SH3RF3: variants seen among roughly 807,000 people sequenced by gnomAD.
SH3RF3 encodes SH3 domain containing ring finger 3.
A neutral mutation model predicts 66.3 loss-of-function variants in SH3RF3; 29 were observed. The ratio of observed to expected loss-of-function variants is 0.44; its 90% CI spans 0.33 to 0.60. SH3RF3 has a LOEUF of 0.60. SH3RF3 is among the 20% of genes least tolerant of loss of function. The pLI, the probability that SH3RF3 is intolerant of heterozygous loss-of-function variation, is 0.04. For missense variants in SH3RF3, 1,194 were observed against 1,190.9 expected (o/e 1.00, Z -0.04); for synonymous variants, 583 against 532.0 (o/e 1.10, Z -1.32).
chr2:109,246,323 A>C (rs1679914246), intron 1 of SH3RF3, among the ~76,000 whole-genome samples: 2 of 152,210 alleles, frequency 1.3e-5, no homozygotes, highest in South Asian at 4.1e-4. Context: ...CCAGGTTCAC[A>C]GACGGTGCCT....
chr2:109,395,762 G>C (rs764283382), intron 3 of SH3RF3, among the ~76,000 whole-genome samples: 7 of 152,230 alleles, frequency 4.6e-5, no homozygotes, highest in Non-Finnish European at 5.9e-5. Flanking sequence ...CTGTGCTTCT[G>C]GCTGCTGTGT....
chr2:109,392,854 C>CTGGCTT (rs1179304023), intron 3 of SH3RF3, among the ~76,000 whole-genome samples: 1 of 152,196 alleles, frequency 6.6e-6, no homozygotes, highest in Non-Finnish European at 1.5e-5. Context: ...CAAAGAGTCC[C>CTGGCTT]TGGCTTTGGA....
Position 109,457,489 on chromosome 2 carries a change from C to A in SH3RF3, c.2148+8000C>A, listed in dbSNP as rs1256876763. Among the ~76,000 whole-genome samples, 6 of 152,246 alleles carry A rather than the reference C, an allele frequency of 3.9e-5. No individual in the cohort carries two copies. In the East Asian group the frequency reaches 1.2e-3, roughly 29 times the overall value. On this transcript the variant is annotated intron_variant, in intron 8 of 9. Coordinates refer to ENST00000309415, the MANE Select transcript of SH3RF3 (RefSeq NM_001099289.3). Reference sequence around the variant, plus strand: ...ATAGTTGTGAGGGTTCTGCCACCCTCCCCAAAGGGCACTGACTAATAACGA... The same window carrying A: ...ATAGTTGTGAGGGTTCTGCCACCCTACCCAAAGGGCACTGACTAATAACGA...
At chr2:109,231,049 G>C (rs767469313) in intron 1 of SH3RF3, among the ~76,000 whole-genome samples, 2 of 152,266 alleles carry the variant, frequency 1.3e-5, no homozygotes, top group African/African-American at 4.8e-5. Context: ...CACGGACAGA[G>C]CAGCAGAGTT....
At chr2:109,313,811 G>A (rs1681796647) in intron 1 of SH3RF3, among the ~76,000 whole-genome samples, 1 of 152,240 alleles carries the variant, frequency 6.6e-6, no homozygotes, top group Non-Finnish European at 1.5e-5. Flanking sequence ...TGAAACAGAG[G>A]GGCTTATTCC....
At chr2:109,426,097 C>G (rs1361033193) in intron 5 of SH3RF3, among the ~76,000 whole-genome samples, 1 of 152,106 alleles carries the variant, frequency 6.6e-6, no homozygotes, top group Non-Finnish European at 1.5e-5. Context: ...TTAGTAGAGA[C>G]AGGTTTTCGC....
intron 1 of SH3RF3, among the ~76,000 whole-genome samples, chr2:109,211,657 T>C (rs1384576749): frequency 6.6e-6 from 1 of 151,610 alleles, no homozygotes. Flanking sequence ...TCTTTTTTTT[T>C]TTTTTGAGAT....
intron 4 of SH3RF3, among the ~76,000 whole-genome samples, chr2:109,418,890 G>C (rs1676796264): frequency 6.6e-6 from 1 of 152,146 alleles, no homozygotes; most frequent in Non-Finnish European, 1.5e-5. Flanking sequence ...CTCTATGTAG[G>C]AATTCCCTTG....
At chr2:109,288,629 C>T (rs1358471689) in intron 1 of SH3RF3, among the ~76,000 whole-genome samples, 1 of 152,190 alleles carries the variant, frequency 6.6e-6, no homozygotes, top group Non-Finnish European at 1.5e-5. Context: ...CAAGGCAAGT[C>T]ATTGTCACCC....
chr2:109,163,826 A>C (rs72944093), intron 1 of SH3RF3, among the ~76,000 whole-genome samples: 1 of 152,128 alleles, frequency 6.6e-6, no homozygotes, highest in African/African-American at 2.4e-5. Flanking sequence ...CCCTCCAAAC[A>C]ATGTGTTTTC....
chr2:109,452,336 T>A (rs1559091065), intron 8 of SH3RF3, among the ~76,000 whole-genome samples: 1 of 152,172 alleles, frequency 6.6e-6, no homozygotes, highest in Non-Finnish European at 1.5e-5. Context: ...GGCAACTTGA[T>A]CATAGATGTA....
intron 1 of SH3RF3, among the ~76,000 whole-genome samples, chr2:109,224,183 A>G (rs1268959774): frequency 1.3e-5 from 2 of 151,994 alleles, no homozygotes; most frequent in African/African-American, 4.8e-5. Context: ...TGCATGTGCA[A>G]ATGGAGGGGG....
At chr2:109,196,066 C>T (rs1445888021) in intron 1 of SH3RF3, among the ~76,000 whole-genome samples, 2 of 152,208 alleles carry the variant, frequency 1.3e-5, no homozygotes, top group African/African-American at 4.8e-5. Flanking sequence ...CGAAGGGCTC[C>T]AGAGGGAACG....
chr2:109,437,082 A>G lies in SH3RF3; in HGVS notation c.1764A>G (p.Thr588=). The G allele has an allele frequency of 6.2e-7, 1 of 1,613,630 alleles. No homozygotes were observed. ...AGCACCCCACAGCCTCGCCCCCAACAGGCAGCTGTCTACGGCACTCAGCCC... is the reference window on the plus strand; with the variant it reads ...AGCACCCCACAGCCTCGCCCCCAACGGGCAGCTGTCTACGGCACTCAGCCC... ...HAQHPTASPP[T]GSCLRHSAQP... Residue 588 remains threonine (T), a synonymous_variant, in exon 7 of 10, where the codon ACA becomes ACG. Transcript: ENST00000309415.
intron 1 of SH3RF3, among the ~76,000 whole-genome samples, chr2:109,262,789 C>T (rs977020128): frequency 2.1e-4 from 32 of 152,000 alleles, no homozygotes; most frequent in African/African-American, 7.7e-4. Context: ...TGTAATGGGC[C>T]CAATGATAAA....
intron 1 of SH3RF3, among the ~76,000 whole-genome samples, chr2:109,339,699 C>A (rs948637554): frequency 6.6e-6 from 1 of 152,206 alleles, no homozygotes; most frequent in Non-Finnish European, 1.5e-5. Context: ...AAGTACTCCT[C>A]TAAGTACCCA....
chr2:109,419,830 A>C (rs1676825173), intron 5 of SH3RF3, among the ~76,000 whole-genome samples, 188 bp downstream of exon 5: 1 of 152,318 alleles, frequency 6.6e-6, no homozygotes, highest in Non-Finnish European at 1.5e-5. Context: ...GTTCCTTCTG[A>C]TGTCGTTGTT....
At chr2:109,413,305 G>T (rs1676642801) in intron 4 of SH3RF3, among the ~76,000 whole-genome samples, 1 of 152,120 alleles carries the variant, frequency 6.6e-6, no homozygotes, top group Non-Finnish European at 1.5e-5. Context: ...GTAGAGACAG[G>T]GTTTCACCAT....
chr2:109,194,651 T>C (rs4371388), intron 1 of SH3RF3, among the ~76,000 whole-genome samples: 124,477 of 152,138 alleles, frequency 0.82, 51,055 homozygotes, highest in East Asian at 0.89. Context: ...CAGGAAGAGA[T>C]GGGTTTGGTG....
Sources: allele counts gnomAD v4.1 joint callset (sites outside exome capture counted in the v4.1 genomes callset), GRCh38; gene constraint gnomAD v4.1.1; transcripts MANE v1.5; gene names NCBI Gene and HGNC (gene_info 2026-07-23, HGNC 2026-07-21).